PCCA: variants seen among roughly 807,000 people sequenced by gnomAD.
PCCA encodes the protein propionyl-CoA carboxylase subunit alpha, also known as propionyl-CoA carboxylase alpha chain, mitochondrial.
Under a neutral mutation model 101.3 loss-of-function variants are expected in PCCA, and 74 were observed. That is an observed-to-expected ratio of 0.73 (90% CI 0.61 to 0.89). The LOEUF (loss-of-function observed/expected upper bound fraction) is 0.89, where lower values mean the gene tolerates loss of function less well. Among genes scored for constraint, PCCA ranks in the 40% least tolerant of loss-of-function variants. The pLI is 0.00. For synonymous variants in PCCA, 294 were observed against 313.6 expected (o/e 0.94, Z 0.66); for missense variants, 891 against 907.0 (o/e 0.98, Z 0.23).
chr13:100,227,158 G>A (rs1284343445), intron 7 of PCCA, among the ~76,000 whole-genome samples: 1 of 151,518 alleles, frequency 6.6e-6, no homozygotes, highest in Non-Finnish European at 1.5e-5. Flanking sequence ...TTTTTTTTTG[G>A]TAGAGACGGG....
intron 12 of PCCA, among the ~76,000 whole-genome samples, chr13:100,298,554 T>G (rs1012645535): frequency 6.6e-6 from 1 of 151,474 alleles, no homozygotes; most frequent in African/African-American, 2.4e-5. Context: ...TTTTGTTTTT[T>G]TATTTTTATA....
At chr13:100,180,948 A>C (rs1566649433) in intron 6 of PCCA, among the ~76,000 whole-genome samples, 1 of 152,174 alleles carries the variant, frequency 6.6e-6, no homozygotes, top group Non-Finnish European at 1.5e-5. Flanking sequence ...GGGCCACTGA[A>C]ACATGATGAA....
intron 6 of PCCA, among the ~76,000 whole-genome samples, chr13:100,159,417 G>C (rs2152391365): frequency 1.3e-5 from 2 of 152,154 alleles, no homozygotes; most frequent in Middle Eastern, 6.8e-3. Flanking sequence ...GTCTGTTTAA[G>C]GCCTTTGAGA....
At chr13:100,318,216 A>T (rs897814966) in intron 16 of PCCA, among the ~76,000 whole-genome samples, 3 of 152,078 alleles carry the variant, frequency 2.0e-5, no homozygotes, top group African/African-American at 7.2e-5. Flanking sequence ...TTTTCACTGC[A>T]CCCAGCACCG....
At chr13:100,193,267 A>G (rs947729773) in intron 6 of PCCA, among the ~76,000 whole-genome samples, 18 of 152,216 alleles carry the variant, frequency 1.2e-4, no homozygotes, top group African/African-American at 4.3e-4. Flanking sequence ...TTCATCTTGA[A>G]GACCCTCATT....
chr13:100,349,295 T>G (rs1469264458), intron 18 of PCCA, among the ~76,000 whole-genome samples: 1 of 152,202 alleles, frequency 6.6e-6, no homozygotes, highest in Non-Finnish European at 1.5e-5. Flanking sequence ...GGCTAATTTT[T>G]TTTGTAGTTT....
At chr13:100,266,342 T>G (rs1376822020) in intron 10 of PCCA, among the ~76,000 whole-genome samples, 1 of 152,228 alleles carries the variant, frequency 6.6e-6, no homozygotes, top group Non-Finnish European at 1.5e-5. Context: ...GCTTTTTAGT[T>G]TATTTTATTT....
At chr13:100,151,208 G>T in intron 4 of PCCA, 1 of 623,408 alleles carries the variant, frequency 1.6e-6, no homozygotes, top group Non-Finnish European at 2.7e-6. Flanking sequence ...AAACACATCT[G>T]TTGTTCTAGT....
At chr13:100,342,087 G>A (rs2071457407) in intron 18 of PCCA, among the ~76,000 whole-genome samples, 1 of 151,068 alleles carries the variant, frequency 6.6e-6, no homozygotes, top group East Asian at 1.9e-4. Flanking sequence ...TGAATTACTT[G>A]TGCAAGATAA....
Position 100,488,427 on chromosome 13 carries a change from C to T in PCCA, c.1900-27000C>T, listed in dbSNP as rs78518563. 5.2e-3 allele frequency among the ~76,000 whole-genome samples: 791 copies of T among 152,076 alleles called. 5 individuals are homozygous for T. The highest frequency in any genetic ancestry group is 0.018 in the African/African-American group (738 of 41,490). The stretch of plus-strand genomic sequence containing the variant: ...AAAAGCTTTTAAGAAACACAGTAAT[C>T]TTTGAGTTGAGATTTTGAAAAAAAT... On this transcript the variant is annotated intron_variant, in intron 21 of 23. Transcript: ENST00000376285.
At chr13:100,293,518 T>A (rs1254525479) in intron 12 of PCCA, among the ~76,000 whole-genome samples, 1 of 152,218 alleles carries the variant, frequency 6.6e-6, no homozygotes, top group Non-Finnish European at 1.5e-5. Context: ...ACCTGCCAGA[T>A]GAAAATATTT....
intron 18 of PCCA, among the ~76,000 whole-genome samples, chr13:100,351,443 TC>T (rs1956122908): frequency 6.6e-6 from 1 of 152,182 alleles, no homozygotes; most frequent in African/African-American, 2.4e-5. Flanking sequence ...TTTTCTCTGT[TC>T]GTATATATGA....
chr13:100,471,470 G>C (rs1157709185), intron 21 of PCCA, among the ~76,000 whole-genome samples: 2 of 152,150 alleles, frequency 1.3e-5, no homozygotes, highest in East Asian at 3.8e-4. Context: ...ATAGATAAAG[G>C]GTTGCCACAA....
chr13:100,254,160 A>G (rs2061931827), intron 8 of PCCA, among the ~76,000 whole-genome samples: 1 of 152,112 alleles, frequency 6.6e-6, no homozygotes, highest in Non-Finnish European at 1.5e-5. Flanking sequence ...CGAAACCATC[A>G]GATCTCATGA....
At chr13:100,423,587 A>G (rs2078960881) in intron 19 of PCCA, among the ~76,000 whole-genome samples, 1 of 151,938 alleles carries the variant, frequency 6.6e-6, no homozygotes, top group South Asian at 2.1e-4. Context: ...GGAAGTTGCA[A>G]ATTTCTACTC....
At chr13:100,281,391 G>A (rs1407864317) in intron 12 of PCCA, among the ~76,000 whole-genome samples, 1 of 152,190 alleles carries the variant, frequency 6.6e-6, no homozygotes, top group Non-Finnish European at 1.5e-5. Context: ...TTAAATGTGT[G>A]TGTATAAGAC....
chr13:100,390,959 G>C (rs1192973510), intron 19 of PCCA, among the ~76,000 whole-genome samples: 1 of 152,082 alleles, frequency 6.6e-6, no homozygotes, highest in East Asian at 1.9e-4. Flanking sequence ...GGTGCCAGAA[G>C]AAGGGAATTT....
intron 22 of PCCA, among the ~76,000 whole-genome samples, chr13:100,522,295 A>G (rs964305775): frequency 1.3e-5 from 2 of 152,196 alleles, no homozygotes; most frequent in Non-Finnish European, 2.9e-5. Context: ...CATGGTCTGC[A>G]GTTTCTAATG....
chr13:100,375,533 T>C (rs1201508715), intron 19 of PCCA, among the ~76,000 whole-genome samples: 1 of 152,214 alleles, frequency 6.6e-6, no homozygotes, highest in East Asian at 1.9e-4. Flanking sequence ...ACTTGCTTTA[T>C]GAATCTGTGT....
Sources: gnomAD v4.1 joint callset for allele counts (sites outside exome capture counted in the v4.1 genomes callset) on GRCh38, gnomAD v4.1.1 for gene constraint, MANE v1.5 for transcripts, NCBI Gene and HGNC (gene_info 2026-07-23, HGNC 2026-07-21) for gene names.